GLRA3: variants seen among roughly 807,000 people sequenced by gnomAD.
The protein encoded by GLRA3 is glycine receptor alpha 3.
A neutral mutation model predicts 60.4 loss-of-function variants in GLRA3; 44 were observed. That is an observed-to-expected ratio of 0.73 (90% CI 0.57 to 0.94). GLRA3 has a LOEUF of 0.94. Among genes scored for constraint, GLRA3 ranks in the 40% least tolerant of loss-of-function variants. The pLI, the probability that GLRA3 is intolerant of heterozygous loss-of-function variation, is 0.00. For synonymous variants in GLRA3, 223 were observed against 192.9 expected (o/e 1.16, Z -1.29); for missense variants, 508 against 564.6 (o/e 0.90, Z 1.02).
At chr4:174,758,505 A>C (rs7689368) in intron 3 of GLRA3, among the ~76,000 whole-genome samples, 77,688 of 151,912 alleles carry the variant, frequency 0.51, 20,186 homozygotes, top group Middle Eastern at 0.69. Flanking sequence ...AATGTAAAAA[A>C]TTTTCACAAT....
chr4:174,766,960 T>G lies in GLRA3; in HGVS notation c.267+3A>C, dbSNP rs746914267. 1 of 1,530,296 alleles carries G rather than the reference T, an allele frequency of 6.5e-7. No homozygotes were observed. The highest frequency in any genetic ancestry group is 9.0e-7 in the Non-Finnish European group (1 of 1,108,512). The allele number at this position is 1,530,296 out of a possible 1,614,324, so 94.8% of individuals were successfully genotyped here. On this transcript the variant is annotated splice_donor_region_variant and intron_variant, in intron 3 of 9. Transcript: ENST00000274093. ...GAAACTTGTTGCAAAGTAAAATGCCTACCATGGTCGTCTCTGCGATAGAGC... is the reference window on the plus strand; with the variant it reads ...GAAACTTGTTGCAAAGTAAAATGCCGACCATGGTCGTCTCTGCGATAGAGC...
At chr4:174,736,493 C>G (rs1736794910) in intron 3 of GLRA3, among the ~76,000 whole-genome samples, 1 of 152,124 alleles carries the variant, frequency 6.6e-6, no homozygotes, top group Non-Finnish European at 1.5e-5. Flanking sequence ...CCTCTAGTCT[C>G]TGGCAAGCAC....
intron 4 of GLRA3, among the ~76,000 whole-genome samples, chr4:174,727,780 T>C (rs1375596199): frequency 6.6e-6 from 1 of 152,184 alleles, no homozygotes; most frequent in African/African-American, 2.4e-5. Flanking sequence ...TTGGTATTAA[T>C]TATTATTCAA....
chr4:174,798,078 G>A (rs751844467), intron 1 of GLRA3, among the ~76,000 whole-genome samples: 5 of 152,258 alleles, frequency 3.3e-5, no homozygotes, highest in Admixed American at 6.5e-5. Flanking sequence ...GAGAAAATAC[G>A]AAAGTTGAAG....
At chr4:174,799,282 G>C (rs569642657) in intron 1 of GLRA3, among the ~76,000 whole-genome samples, 6 of 152,258 alleles carry the variant, frequency 3.9e-5, no homozygotes, top group Admixed American at 6.5e-5. Context: ...GAAAGTAGAA[G>C]CCTACACTTT....
chr4:174,696,324 T>A (rs1485806855), intron 5 of GLRA3, among the ~76,000 whole-genome samples: 1 of 151,642 alleles, frequency 6.6e-6, no homozygotes, highest in African/African-American at 2.4e-5. Context: ...TAATATTTTG[T>A]AATATTGGCA....
At chr4:174,689,621 G>A (rs1040430380) in intron 5 of GLRA3, among the ~76,000 whole-genome samples, 5 of 151,470 alleles carry the variant, frequency 3.3e-5, no homozygotes, top group Non-Finnish European at 5.9e-5. Flanking sequence ...TCTACACTCC[G>A]TCCATATGTT....
At chr4:174,782,952 G>A (rs578178622) in intron 2 of GLRA3, among the ~76,000 whole-genome samples, 1 of 152,140 alleles carries the variant, frequency 6.6e-6, no homozygotes, top group South Asian at 2.1e-4. Context: ...TTTCTTCACA[G>A]AATTGGAAAA....
chr4:174,697,043 A>G (rs1735085001), intron 5 of GLRA3, among the ~76,000 whole-genome samples: 1 of 152,142 alleles, frequency 6.6e-6, no homozygotes, highest in South Asian at 2.1e-4. Flanking sequence ...AAAAATCATA[A>G]AATCTTTGGT....
intron 3 of GLRA3, among the ~76,000 whole-genome samples, chr4:174,758,526 C>T (rs74641762): frequency 0.022 from 3,380 of 152,152 alleles, 124 homozygotes; most frequent in African/African-American, 0.077. Context: ...CTAGAGGATC[C>T]TGTGGAAACA....
At chr4:174,772,678 A>G (rs377297417) in intron 2 of GLRA3, among the ~76,000 whole-genome samples, 1 of 152,330 alleles carries the variant, frequency 6.6e-6, no homozygotes, top group East Asian at 1.9e-4. Flanking sequence ...AGTCTCCTCA[A>G]TGTAATAACA....
chr4:174,814,851 A>G (rs1485227665), intron 1 of GLRA3, among the ~76,000 whole-genome samples: 1 of 152,154 alleles, frequency 6.6e-6, no homozygotes, highest in Non-Finnish European at 1.5e-5. Context: ...GACAAACCAT[A>G]TGATTCCATC....
intron 1 of GLRA3, among the ~76,000 whole-genome samples, chr4:174,800,947 A>G (rs901220181): frequency 6.6e-6 from 1 of 152,090 alleles, no homozygotes; most frequent in Non-Finnish European, 1.5e-5. Context: ...TCAGTACATT[A>G]CATGAGATAT....
chr4:174,828,746 T>A lies in GLRA3; in HGVS notation c.66A>T (p.Leu22Phe). Reference sequence around the variant, plus strand: ...TTAAATCCAAGCGAACTCACCTGAGTAACAGTGCTGCTTCCCAGAAGTAAA... The same window carrying A: ...TTAAATCCAAGCGAACTCACCTGAGAAACAGTGCTGCTTCCCAGAAGTAAA... ...SGFYFWEAAL[L>F]LSLVATKETD... The change falls in exon 1 of 10, where the codon TTA (leucine) becomes TTT (phenylalanine). Residue 22 changes from leucine (L) to phenylalanine (F), a missense_variant. Physicochemically the swap from Leu to Phe is conservative, Grantham distance 22 (BLOSUM62 0). This residue lies in a region of GLRA3 where 329 missense variants were observed against 349.3 expected (regional missense o/e 0.94). Coordinates refer to ENST00000274093, the MANE Select transcript of GLRA3 (RefSeq NM_006529.4). The A allele has an allele frequency of 6.2e-7, 1 of 1,604,092 alleles. No homozygotes were observed.
rs1189335700 is a variant in GLRA3 at position 174,704,381 on chromosome 4, AG to A, written c.574+11106del. Among the ~76,000 whole-genome samples, 5 of 143,628 alleles carry A rather than the reference AG, an allele frequency of 3.5e-5. 1 individual carries two copies. Among genetic ancestry groups the A allele is most frequent in the Non-Finnish European group, 7.7e-5 (5 of 64,640 alleles). 94.2% of individuals were successfully genotyped at this position (143,628 alleles called of 152,430 possible). A position where few individuals can be genotyped will look rare whatever the true frequency, so the allele number is the denominator to read the frequency against. ...AAATGCTTTAAATTACAGGTGATCT[AG>A]GGTGTTCTAAAAAGTCTACTGATTC... On this transcript the variant is annotated intron_variant, in intron 5 of 9. Transcript: ENST00000274093.
chr4:174,734,100 ATCCAG>A (rs1736675253), intron 3 of GLRA3, among the ~76,000 whole-genome samples: 1 of 152,196 alleles, frequency 6.6e-6, no homozygotes, highest in Admixed American at 6.5e-5. Flanking sequence ...GGAAAAAATA[ATCCAG>A]AATTCTTTCT....
intron 9 of GLRA3, among the ~76,000 whole-genome samples, chr4:174,645,916 A>G (rs1732797543): frequency 6.6e-6 from 1 of 152,232 alleles, no homozygotes; most frequent in African/African-American, 2.4e-5. Context: ...TAGCATCCTT[A>G]TAACTTAGAA....
In GLRA3 at chr4:174,639,366, A is replaced by ATGTGTG. The variant is rs1284364356; in HGVS notation, c.*4419_*4420insCACACA. ...TAAAGGAATTCATCTCATTACCAAT[A>ATGTGTG]TGTGTATGTGTGTGTGTGTGTGTGT... On this transcript the variant is annotated 3_prime_UTR_variant, in exon 10 of 10. Transcript: ENST00000274093. 3.9e-4 allele frequency: 36 copies of ATGTGTG among 91,672 alleles called. No homozygotes were observed. The highest frequency in any genetic ancestry group is 5.9e-4 in the Admixed American group (4 of 6,724). The allele number at this position is 91,672 out of a possible 1,614,324, so 5.7% of individuals were successfully genotyped here.
At chr4:174,756,798 C>A in intron 3 of GLRA3, among the ~76,000 whole-genome samples, 1 of 152,110 alleles carries the variant, frequency 6.6e-6, no homozygotes, top group East Asian at 1.9e-4. Flanking sequence ...GCACCCGTCA[C>A]CTCCCCTGGC....
Sources: allele counts gnomAD v4.1 joint callset (sites outside exome capture counted in the v4.1 genomes callset), GRCh38; gene constraint gnomAD v4.1.1; regional missense constraint gnomAD v4.1.1; transcripts MANE v1.5; gene names NCBI Gene and HGNC (gene_info 2026-07-23, HGNC 2026-07-21).